Variants in LRAT observed in about 807,000 individuals in gnomAD.
The protein encoded by LRAT is lecithin retinol acyltransferase (phosphatidylcholine--retinol O-acyltransferase).
Under a neutral mutation model 14.2 loss-of-function variants are expected in LRAT, and 11 were observed. The observed-to-expected ratio is 0.78, with a 90% confidence interval of 0.49 to 1.29. LRAT has a LOEUF of 1.29. Ranked by LOEUF, LRAT falls within the 50% of genes most tolerant of loss-of-function variation. The pLI, the probability that LRAT is intolerant of heterozygous loss-of-function variation, is 0.00. For synonymous variants in LRAT, 144 were observed against 124.8 expected, an observed-to-expected ratio of 1.15 and a Z score of -1.03; for missense variants, 274 against 292.4, an observed-to-expected ratio of 0.94 and a Z score of 0.46.
rs555728501 is a variant in LRAT, at chr4:154,744,689, C to A, written c.363C>A (p.Asn121Lys). Residue 121 changes from asparagine (N) to lysine (K), a missense_variant, in exon 2 of 3, where the codon AAC (asparagine) becomes AAA (lysine). Coordinates refer to ENST00000336356, the MANE Select transcript of LRAT (RefSeq NM_004744.5). ...TGGAGGACTTCGCCTACGGAGCTAA[C>A]ATCCTGGTCAATCACCTGGACGAGT... is the stretch of plus-strand genomic sequence containing the variant. ...DTVEDFAYGA[N>K]ILVNHLDESL... 1 of 1,614,228 alleles carries A rather than the reference C, an allele frequency of 6.2e-7. No individual in the cohort carries two copies. The highest frequency in any genetic ancestry group is 1.3e-5 in the African/African-American group (1 of 75,060).
chr4:154,744,982 TC>T (rs1732853262), intron 2 of LRAT, 116 bp downstream of exon 2: 2 of 724,874 alleles, frequency 2.8e-6, no homozygotes, highest in Non-Finnish European at 4.6e-6. Flanking sequence ...CCCTACCACT[TC>T]CATACCATCC....
rs1039749753 is a variant in LRAT at position 154,750,640 on chromosome 4, A to G, written c.*1504A>G. The G allele has an allele frequency of 6.6e-6, 1 of 152,102 alleles. No homozygotes were observed. Among genetic ancestry groups the G allele is most frequent in the Non-Finnish European group, 1.5e-5 (1 of 67,986 alleles). The allele number at this position is 152,102 out of a possible 1,614,324, so 9.4% of individuals were successfully genotyped here. A position where few individuals can be genotyped will look rare whatever the true frequency, so the allele number is the denominator to read the frequency against. ...AACTCAGTATTTAATTTTTCAAATT[A>G]AATATTAAATTATTTAAGTATTTTA... On this transcript the variant is annotated 3_prime_UTR_variant, in exon 3 of 3. Transcript: ENST00000336356.
intron 2 of LRAT, among the ~76,000 whole-genome samples, chr4:154,745,980 G>A (rs1422778151): frequency 6.6e-6 from 1 of 152,092 alleles, no homozygotes; most frequent in Admixed American, 6.6e-5. Flanking sequence ...TTAAACATTG[G>A]AAGGTAATTT....
intron 2 of LRAT, chr4:154,748,268 AC>A: frequency 3.0e-6 from 3 of 984,460 alleles, no homozygotes; most frequent in Non-Finnish European, 3.6e-6. Context: ...CCATTTGACT[AC>A]TTGAGGTGAC....
In LRAT at chr4:154,744,398, C is replaced by T. The variant is rs751935213; in HGVS notation, c.72C>T (p.Leu24=). 3.7e-6 allele frequency: 6 copies of T among 1,614,200 alleles called. No homozygotes were observed. The highest frequency in any genetic ancestry group is 2.2e-5 in the South Asian group (2 of 91,090). ...TGCTCCTCATCTCCAACTTCACGCT[C>T]TTTAGTTCGGGCGCCGCGGGCGAAG... ...EKLLLISNFT[L]FSSGAAGEDK... The change falls in exon 2 of 3, where the codon CTC becomes CTT. Residue 24 remains leucine, a synonymous_variant. Transcript: ENST00000336356.
chr4:154,746,869 GT>G (rs1560872150), intron 2 of LRAT, among the ~76,000 whole-genome samples: 1 of 152,062 alleles, frequency 6.6e-6, no homozygotes, highest in Non-Finnish European at 1.5e-5. Flanking sequence ...GTGAAACTGA[GT>G]TTTGTCTTCA....
At chr4:154,744,251 G>A in intron 1 of LRAT, 29 bp downstream of exon 1, 1 of 1,502,678 alleles carries the variant, frequency 6.7e-7, no homozygotes. Context: ...CCCCTGCCCG[G>A]CGAGCTTAAC....
chr4:154,745,006 CTTTTTTTTTTTTTTTTT>C (rs70947181), intron 2 of LRAT, 140 bp downstream of exon 2: 10 of 246,176 alleles, frequency 4.1e-5, no homozygotes, highest in South Asian at 9.1e-5. Context: ...TTTCTTTTTC[CTTTTTTTTTTTTTTTTT>C]TTTTTTTTTT....
Position 154,744,272 on chromosome 4 carries a change from C to T in LRAT, c.-2+50C>T, listed in dbSNP as rs938061830. The T allele has an allele frequency of 6.9e-6, 11 of 1,591,212 alleles. No homozygotes were observed. The Admixed American group carries it at 1.0e-4, about 14-fold the overall frequency. On this transcript the variant is annotated intron_variant, in intron 1 of 2. Coordinates refer to ENST00000336356, the MANE Select transcript of LRAT (RefSeq NM_004744.5). ...CCCGGCGAGCTTAACTTGCCCAGCC[C>T]GGCCCCTGCCGGAGTGGCACCGGCA... is the stretch of plus-strand genomic sequence containing the variant.
chr4:154,752,109 T>G lies in LRAT; in HGVS notation c.*2973T>G, dbSNP rs189707176. 24 of 152,362 alleles carry G rather than the reference T, an allele frequency of 1.6e-4. No individual in the cohort carries two copies. In the East Asian group the frequency reaches 4.6e-3, roughly 29 times the overall value. 9.4% of individuals were successfully genotyped at this position (152,362 alleles called of 1,614,324 possible). A position where few individuals can be genotyped will look rare whatever the true frequency, so the allele number is the denominator to read the frequency against. Reference sequence around the variant, plus strand: ...TAGACATAATTGTATTAGGACTTTCTGCAGTTGACATTTGCATAAAGCTGA... The same window carrying G: ...TAGACATAATTGTATTAGGACTTTCGGCAGTTGACATTTGCATAAAGCTGA... On this transcript the variant is annotated 3_prime_UTR_variant, in exon 3 of 3. Coordinates refer to ENST00000336356, the MANE Select transcript of LRAT (RefSeq NM_004744.5).
Position 154,751,355 on chromosome 4 carries a change from A to G in LRAT, c.*2219A>G, listed in dbSNP as rs1732985202. On this transcript the variant is annotated 3_prime_UTR_variant, in exon 3 of 3. Transcript: ENST00000336356. ...AGAACTGTTGAACTTCTTGGGAGAA[A>G]AGGAGAATCTTTGTTTTGTTGTGCT... 6.6e-6 allele frequency: 1 copy of G among 151,730 alleles called. No individual in the cohort carries two copies. The highest frequency in any genetic ancestry group is 6.6e-5 in the Admixed American group (1 of 15,124). 9.4% of individuals were successfully genotyped at this position (151,730 alleles called of 1,614,324 possible).
In LRAT at chr4:154,744,053, C is replaced by CAG; in HGVS notation, c.-171_-170insAG. ...ACGGCCCCCAGGTGCGCTCCTTCTC[C>CAG]GGCTGCTTGTAGCACTGGTCTCACT... On this transcript the variant is annotated 5_prime_UTR_variant, in exon 1 of 3. Transcript: ENST00000336356. The CAG allele has an allele frequency of 2.0e-6, 1 of 507,842 alleles. No homozygotes were observed. The highest frequency in any genetic ancestry group is 5.4e-4 in the Middle Eastern group (1 of 1,854). 31.5% of individuals were successfully genotyped at this position (507,842 alleles called of 1,614,324 possible). A position where few individuals can be genotyped will look rare whatever the true frequency, so the allele number is the denominator to read the frequency against.
chr4:154,748,124 G>A (rs1033783926), intron 2 of LRAT: 2 of 594,396 alleles, frequency 3.4e-6, no homozygotes, highest in East Asian at 2.8e-4. Flanking sequence ...CGGCAATATG[G>A]TAGAGATAAC....
chr4:154,747,530 C>T (rs1732905524), intron 2 of LRAT, among the ~76,000 whole-genome samples: 1 of 152,090 alleles, frequency 6.6e-6, no homozygotes, highest in African/African-American at 2.4e-5. Context: ...ACTAAAGATG[C>T]CTGCTGGTCT....
chr4:154,748,311 A>T (rs2111037437), intron 2 of LRAT: 2 of 978,976 alleles, frequency 2.0e-6, no homozygotes, highest in East Asian at 1.1e-4. Context: ...CAGGACTCAG[A>T]CATAGGCCAT....
upstream of LRAT, among the ~76,000 whole-genome samples, chr4:154,741,382 C>A (rs1371454026): frequency 6.6e-6 from 1 of 152,190 alleles, no homozygotes; most frequent in Non-Finnish European, 1.5e-5. Context: ...AAGCCGAAGT[C>A]CTAGCACGCA....
In LRAT at chr4:154,744,235, G is replaced by A. The variant is rs1231070796; in HGVS notation, c.-2+13G>A. ...ACCTGGCCTGCAGGTGAGCAGCAGC[G>A]CAGCACCCCTGCCCGGCGAGCTTAA... On this transcript the variant is annotated intron_variant, in intron 1 of 2. Coordinates refer to ENST00000336356, the MANE Select transcript of LRAT (RefSeq NM_004744.5). 3 of 1,345,624 alleles carry A rather than the reference G, an allele frequency of 2.2e-6. No homozygotes were observed. The highest frequency in any genetic ancestry group is 4.6e-5 in the East Asian group (2 of 43,484). The allele number at this position is 1,345,624 out of a possible 1,614,324, so 83.4% of individuals were successfully genotyped here.
At chr4:154,742,807 A>C (rs949205379), upstream of LRAT, among the ~76,000 whole-genome samples, 7 of 152,072 alleles carry the variant, frequency 4.6e-5, no homozygotes, top group Admixed American at 6.5e-5. Context: ...TTAGCATCTC[A>C]TCCAAGTACT....
At chr4:154,745,094 C>T (rs1732860151) in intron 2 of LRAT, among the ~76,000 whole-genome samples, 1 of 139,114 alleles carries the variant, frequency 7.2e-6, no homozygotes, top group Admixed American at 7.5e-5. Flanking sequence ...TCTCCACTCA[C>T]TGCAAACTCC....
Sources: gnomAD v4.1 joint callset for allele counts (sites outside exome capture counted in the v4.1 genomes callset) on GRCh38, gnomAD v4.1.1 for gene constraint, MANE v1.5 for transcripts, NCBI Gene and HGNC (gene_info 2026-07-23, HGNC 2026-07-21) for gene names.